Variants in SLC41A2 observed in about 807,000 individuals in gnomAD.
The protein encoded by SLC41A2 is solute carrier family 41 member 2.
A neutral mutation model predicts 58.3 loss-of-function variants in SLC41A2; 32 were observed. The observed-to-expected ratio is 0.55, with a 90% CI of 0.41 to 0.74. The LOEUF (loss-of-function observed/expected upper bound fraction) is 0.74, where lower values mean the gene tolerates loss of function less well. Ranked by LOEUF, SLC41A2 falls within the 30% of genes least tolerant of loss-of-function variation. The pLI, the probability that SLC41A2 is intolerant of heterozygous loss-of-function variation, is 0.00. For synonymous variants in SLC41A2, 190 were observed against 235.0 expected, an observed-to-expected ratio of 0.81 and a Z score of 1.75; for missense variants, 514 against 680.6, an observed-to-expected ratio of 0.76 and a Z score of 2.72.
intron 1 of SLC41A2, among the ~76,000 whole-genome samples, chr12:104,950,345 A>T (rs1485071177): frequency 6.6e-6 from 1 of 152,008 alleles, no homozygotes; most frequent in Admixed American, 6.5e-5. Flanking sequence ...ATGAGATCTG[A>T]TGGTTTTATA....
chr12:104,843,742 C>T (rs539370553), intron 10 of SLC41A2, among the ~76,000 whole-genome samples: 6 of 152,208 alleles, frequency 3.9e-5, no homozygotes, highest in Admixed American at 1.3e-4. Flanking sequence ...TTCCTCCACA[C>T]GATGCATTGC....
At chr12:104,853,424 A>G (rs1316615442) in intron 8 of SLC41A2, among the ~76,000 whole-genome samples, 1 of 152,190 alleles carries the variant, frequency 6.6e-6, no homozygotes, top group Non-Finnish European at 1.5e-5. Context: ...CTCAAGACTT[A>G]CCAGAACTCA....
intron 8 of SLC41A2, among the ~76,000 whole-genome samples, chr12:104,857,124 G>C (rs2043047565): frequency 6.6e-6 from 1 of 152,194 alleles, no homozygotes; most frequent in African/African-American, 2.4e-5. Flanking sequence ...ATAAGAAAGA[G>C]GAGTGGTATT....
chr12:104,810,134 A>G (rs1175573807), intron 10 of SLC41A2, among the ~76,000 whole-genome samples: 1 of 152,152 alleles, frequency 6.6e-6, no homozygotes, highest in Non-Finnish European at 1.5e-5. Flanking sequence ...TAGGTATATA[A>G]TATGTTGCTT....
intron 6 of SLC41A2, among the ~76,000 whole-genome samples, chr12:104,877,971 T>A (rs558066094): frequency 7.9e-5 from 12 of 152,124 alleles, no homozygotes; most frequent in African/African-American, 2.9e-4. Context: ...ATCGTACCAC[T>A]GCACTCCAGC....
intron 8 of SLC41A2, among the ~76,000 whole-genome samples, chr12:104,851,468 C>T (rs1306914344): frequency 2.0e-5 from 3 of 152,102 alleles, no homozygotes; most frequent in Non-Finnish European, 4.4e-5. Context: ...ACTGCAACGT[C>T]GAACTCCTGA....
chr12:104,886,175 G>C, intron 6 of SLC41A2, 118 bp downstream of exon 6: 1 of 1,018,788 alleles, frequency 9.8e-7, no homozygotes, highest in Non-Finnish European at 1.4e-6. Context: ...ATCCTAATCA[G>C]TCTCAACAGC....
intron 4 of SLC41A2, among the ~76,000 whole-genome samples, chr12:104,892,301 A>AGAAAT (rs2045024850): frequency 7.1e-6 from 1 of 140,612 alleles, no homozygotes; most frequent in African/African-American, 2.9e-5. Context: ...ATCTCAAAAA[A>AGAAAT]AAAATAAAAT....
At chr12:104,838,701 G>A (rs767155071) in intron 10 of SLC41A2, among the ~76,000 whole-genome samples, 2 of 152,086 alleles carry the variant, frequency 1.3e-5, no homozygotes, top group Non-Finnish European at 2.9e-5. Flanking sequence ...GTTAGGCATA[G>A]GCACAAAATT....
At chr12:104,948,374 C>A (rs1484199314) in intron 1 of SLC41A2, among the ~76,000 whole-genome samples, 1 of 152,174 alleles carries the variant, frequency 6.6e-6, no homozygotes, top group Non-Finnish European at 1.5e-5. Flanking sequence ...AAACTCTAAT[C>A]AGTAAGTCCT....
intron 1 of SLC41A2, among the ~76,000 whole-genome samples, chr12:104,929,565 C>T (rs1225766334): frequency 6.6e-6 from 1 of 152,218 alleles, no homozygotes; most frequent in African/African-American, 2.4e-5. Flanking sequence ...GACACAAACA[C>T]ATAACTGTGG....
At chr12:104,814,902 A>G (rs1592922667) in intron 10 of SLC41A2, among the ~76,000 whole-genome samples, 1 of 152,222 alleles carries the variant, frequency 6.6e-6, no homozygotes. Context: ...AAACGAATAA[A>G]TTTATGTCTT....
intron 1 of SLC41A2, among the ~76,000 whole-genome samples, chr12:104,930,147 C>CT (rs796558087): frequency 3.3e-5 from 5 of 152,250 alleles, no homozygotes; most frequent in African/African-American, 1.2e-4. Context: ...GCCCATAAAT[C>CT]TTTTTTATTT....
At chr12:104,896,554 A>AT (rs1271940954) in intron 3 of SLC41A2, among the ~76,000 whole-genome samples, 1 of 152,156 alleles carries the variant, frequency 6.6e-6, no homozygotes. Context: ...AATTAGTGTT[A>AT]TTTTTTAATA....
At chr12:104,927,023 G>A (rs953821281) in intron 2 of SLC41A2, among the ~76,000 whole-genome samples, 1 of 152,078 alleles carries the variant, frequency 6.6e-6, no homozygotes, top group African/African-American at 2.4e-5. Context: ...GGTTGAGGGT[G>A]TAGTGACCTA....
Position 104,853,913 on chromosome 12 carries a change from T to TATTATTTTTTTTTTA in SLC41A2, c.1255+7377_1255+7378insTAAAAAAAAAATAAT, listed in dbSNP as rs1555202444. On this transcript the variant is annotated intron_variant, in intron 8 of 10. Coordinates refer to ENST00000258538, the MANE Select transcript of SLC41A2 (RefSeq NM_001352171.3). ...GTGCATGTCACCATGCCTGGCTGAT[T>TATTATTTTTTTTTTA]TTTTTTTTTTTTTTTTTTTTTTTTT... is the stretch of plus-strand genomic sequence containing the variant. Among the ~76,000 whole-genome samples, 5 of 38,434 alleles carry TATTATTTTTTTTTTA rather than the reference T, an allele frequency of 1.3e-4. 1 individual carries two copies. Among genetic ancestry groups the TATTATTTTTTTTTTA allele is most frequent in the African/African-American group, 1.9e-4 (3 of 15,708 alleles). The allele number at this position is 38,434 out of a possible 152,430, so 25.2% of individuals were successfully genotyped here.
chr12:104,813,650 G>C (rs1345161546), intron 10 of SLC41A2, among the ~76,000 whole-genome samples: 1 of 151,828 alleles, frequency 6.6e-6, no homozygotes, highest in African/African-American at 2.4e-5. Context: ...GTTTTGTTTT[G>C]TTTGAGATAG....
intron 2 of SLC41A2, among the ~76,000 whole-genome samples, chr12:104,926,889 C>A (rs919333138): frequency 6.6e-6 from 1 of 151,662 alleles, no homozygotes; most frequent in African/African-American, 2.4e-5. Context: ...AGTTTGAGAC[C>A]CGCCTGGGCA....
chr12:104,889,246 T>C (rs1404578447), intron 4 of SLC41A2, 69 bp from the exon 5 acceptor site: 2 of 1,449,792 alleles, frequency 1.4e-6, no homozygotes, highest in African/African-American at 2.9e-5. Context: ...TTTGATTATG[T>C]AAATATTACT....
Sources: gnomAD v4.1 joint callset for allele counts (sites outside exome capture counted in the v4.1 genomes callset) on GRCh38, gnomAD v4.1.1 for gene constraint, MANE v1.5 for transcripts, NCBI Gene and HGNC (gene_info 2026-07-23, HGNC 2026-07-21) for gene names.